ASIC2: variants seen among roughly 807,000 people sequenced by gnomAD.
The protein encoded by ASIC2 is acid sensing ion channel subunit 2.
In ASIC2, 25 loss-of-function variants were observed where a neutral mutation model predicts 57.3. The observed-to-expected ratio is 0.44, with a 90% CI of 0.32 to 0.61. ASIC2 has a LOEUF of 0.61. Among genes scored for constraint, ASIC2 ranks in the 20% least tolerant of loss-of-function variants. ASIC2 has a pLI of 0.06. For synonymous variants in ASIC2, 319 were observed against 307.5 expected (o/e 1.04, Z -0.39); for missense variants, 641 against 738.1 (o/e 0.87, Z 1.52).
At position 33,026,256 on chromosome 17, in the gene ASIC2, T is replaced by C. The variant is rs2091858961; in HGVS notation, c.1139-274A>G. 3.3e-5 allele frequency among the ~76,000 whole-genome samples: 5 copies of C among 152,214 alleles called. No individual in the cohort carries two copies. The South Asian group carries it at 1.0e-3, about 32-fold the overall frequency. ...GGCTAACTTCTCCCATGTTTCTGTG[T>C]AGGTCCAGCCAGCTCCCGTGGGTGA... On this transcript the variant is annotated intron_variant, in intron 4 of 9. Coordinates refer to ENST00000225823, the MANE Select transcript of ASIC2 (RefSeq NM_183377.2).
chr17:33,912,921 G>A (rs1915499528), intron 1 of ASIC2, among the ~76,000 whole-genome samples: 1 of 152,044 alleles, frequency 6.6e-6, no homozygotes, highest in Admixed American at 6.6e-5. Context: ...AGAGGTTGCA[G>A]TGAGCCAAGA....
intron 1 of ASIC2, among the ~76,000 whole-genome samples, chr17:33,856,469 T>A (rs193049373): frequency 2.1e-4 from 14 of 67,832 alleles, no homozygotes; most frequent in African/African-American, 2.3e-4. Flanking sequence ...TTATCAGTAG[T>A]AGTGGTGGTG....
intron 1 of ASIC2, among the ~76,000 whole-genome samples, chr17:33,860,045 G>A (rs1017565490): frequency 6.6e-6 from 1 of 152,132 alleles, no homozygotes; most frequent in Non-Finnish European, 1.5e-5. Flanking sequence ...ACAGCAGCTT[G>A]GGGTAGTGTC....
At chr17:33,279,354 A>T (rs1281918772) in intron 1 of ASIC2, among the ~76,000 whole-genome samples, 2 of 152,200 alleles carry the variant, frequency 1.3e-5, no homozygotes, top group Non-Finnish European at 2.9e-5. Context: ...GAATCAGGGC[A>T]TCCAGGGGAA....
chr17:33,562,401 A>G (rs1163477404), intron 1 of ASIC2, among the ~76,000 whole-genome samples: 2 of 152,098 alleles, frequency 1.3e-5, no homozygotes, highest in African/African-American at 4.8e-5. Context: ...AGCCTCAGAG[A>G]TTTCTTATGT....
At chr17:33,877,469 A>G (rs1914577440) in intron 1 of ASIC2, among the ~76,000 whole-genome samples, 1 of 152,222 alleles carries the variant, frequency 6.6e-6, no homozygotes, top group South Asian at 2.1e-4. Context: ...CCAGGAGATT[A>G]TAACCCATTC....
chr17:34,046,503 C>T (rs1369343683), intron 1 of ASIC2, among the ~76,000 whole-genome samples: 1 of 152,206 alleles, frequency 6.6e-6, no homozygotes, highest in African/African-American at 2.4e-5. Flanking sequence ...GCTGGCTGGC[C>T]AAGCCCATGC....
At chr17:33,350,032 G>T (rs1293757978) in intron 1 of ASIC2, among the ~76,000 whole-genome samples, 1 of 152,202 alleles carries the variant, frequency 6.6e-6, no homozygotes, top group East Asian at 1.9e-4. Context: ...TTCCTTGTGG[G>T]ATGGTAGTGT....
chr17:33,665,787 G>A (rs72812909), intron 1 of ASIC2, among the ~76,000 whole-genome samples: 1 of 152,208 alleles, frequency 6.6e-6, no homozygotes, highest in Non-Finnish European at 1.5e-5. Context: ...AATATTCAGA[G>A]GTCTCGAGGG....
Position 33,433,319 on chromosome 17 carries a change from T to C in ASIC2, c.556-321252A>G, listed in dbSNP as rs567629852. ...CAGGAACAGAAAACCAAATACCACA[T>C]GTTCTTACTTATAAGTGGGAGCTAA... is the stretch of plus-strand genomic sequence containing the variant. On this transcript the variant is annotated intron_variant, in intron 1 of 9. Coordinates refer to the ASIC2 transcript ENST00000359872. 3.9e-5 allele frequency among the ~76,000 whole-genome samples: 6 copies of C among 152,320 alleles called. No homozygotes were observed. In the East Asian group the frequency reaches 7.7e-4, roughly 20 times the overall value.
intron 1 of ASIC2, among the ~76,000 whole-genome samples, chr17:33,665,387 A>G (rs1435900578): frequency 6.6e-6 from 1 of 152,194 alleles, no homozygotes; most frequent in Non-Finnish European, 1.5e-5. Flanking sequence ...AAAGACCATA[A>G]CATTTTACTT....
At chr17:33,152,434 C>T (rs559866821) in intron 1 of ASIC2, among the ~76,000 whole-genome samples, 6 of 152,236 alleles carry the variant, frequency 3.9e-5, no homozygotes, top group African/African-American at 9.6e-5. Flanking sequence ...AGGTGGAGGC[C>T]GGTCTGAGTC....
At position 33,080,097 on chromosome 17, in the gene ASIC2, G is replaced by C. The variant is rs1006713976; in HGVS notation, c.987+8766C>G. 3.3e-5 allele frequency among the ~76,000 whole-genome samples: 5 copies of C among 152,092 alleles called. No individual in the cohort carries two copies. In the East Asian group the frequency reaches 9.6e-4, roughly 29 times the overall value. On this transcript the variant is annotated intron_variant, in intron 3 of 9. Coordinates refer to ENST00000225823, the MANE Select transcript of ASIC2 (RefSeq NM_183377.2). ...GCTGGGGTGGCAGTCTGGGAATTAT[G>C]GGAAAGGATGCTGTAACCTGGGAGA...
chr17:33,739,948 A>G (rs1036014899), intron 1 of ASIC2, among the ~76,000 whole-genome samples: 5 of 129,808 alleles, frequency 3.9e-5, no homozygotes, highest in Non-Finnish European at 7.0e-5. Flanking sequence ...AAAGAAAGAA[A>G]AGAAAAAAGA....
intron 4 of ASIC2, among the ~76,000 whole-genome samples, chr17:33,027,229 A>G (rs1429704165): frequency 6.6e-6 from 1 of 152,110 alleles, no homozygotes; most frequent in African/African-American, 2.4e-5. Context: ...TTTCATAGTC[A>G]TATCTCCCTC....
At chr17:33,608,185 C>T (rs556556912) in intron 1 of ASIC2, among the ~76,000 whole-genome samples, 1 of 152,270 alleles carries the variant, frequency 6.6e-6, no homozygotes, top group South Asian at 2.1e-4. Context: ...ACATAGGCTT[C>T]CCATGTGCTT....
At chr17:33,768,836 A>T (rs960418594) in intron 1 of ASIC2, among the ~76,000 whole-genome samples, 1 of 152,168 alleles carries the variant, frequency 6.6e-6, no homozygotes, top group Non-Finnish European at 1.5e-5. Flanking sequence ...GCCTGACTTC[A>T]GGGAGGAGAT....
chr17:34,010,955 CAGT>C (rs1906696570), intron 1 of ASIC2, among the ~76,000 whole-genome samples: 5 of 24,558 alleles, frequency 2.0e-4, no homozygotes, highest in East Asian at 1.9e-3. Flanking sequence ...CAGATTCCTG[CAGT>C]CAGACACATG....
intron 1 of ASIC2, among the ~76,000 whole-genome samples, chr17:33,358,111 G>C (rs553905188): frequency 6.6e-6 from 1 of 152,296 alleles, no homozygotes; most frequent in Non-Finnish European, 1.5e-5. Context: ...ACCTGTTTTT[G>C]TACAGTCTGT....
Sources: allele counts gnomAD v4.1 joint callset (sites outside exome capture counted in the v4.1 genomes callset), GRCh38; gene constraint gnomAD v4.1.1; transcripts MANE v1.5; gene names NCBI Gene and HGNC (gene_info 2026-07-23, HGNC 2026-07-21).